The following DLG2 variants were observed in gnomAD, a reference collection of about 807,000 sequenced individuals.
DLG2 encodes the protein discs large MAGUK scaffold protein 2, also known as disks large homolog 2.
Under a neutral mutation model 132.5 loss-of-function variants are expected in DLG2, and 45 were observed. That is an observed-to-expected ratio of 0.34 (90% CI 0.27 to 0.44). DLG2 has a LOEUF of 0.44. Among genes scored for constraint, DLG2 ranks in the 20% least tolerant of loss-of-function variants. DLG2 has a pLI of 1.00. For synonymous variants in DLG2, 424 were observed against 419.6 expected, an observed-to-expected ratio of 1.01 and a Z score of -0.13; for missense variants, 1,045 against 1,196.9, an observed-to-expected ratio of 0.87 and a Z score of 1.87.
In DLG2 at chr11:84,104,488, G is replaced by A. The variant is rs538724848; in HGVS notation, c.625-5441C>T. Among the ~76,000 whole-genome samples, 17 of 152,144 alleles carry A rather than the reference G, an allele frequency of 1.1e-4. No homozygotes were observed. The South Asian group carries it at 3.3e-3, about 30-fold the overall frequency. The stretch of plus-strand genomic sequence containing the variant: ...ATCTGGTACTATGCTCACTTGTTAG[G>A]TGATAGGTTCAATTGTATTCCAAAC... On this transcript the variant is annotated intron_variant, in intron 9 of 27. Coordinates refer to ENST00000376104, the MANE Select transcript of DLG2 (RefSeq NM_001142699.3).
intron 6 of DLG2, among the ~76,000 whole-genome samples, chr11:84,818,679 CAGGCACACAAAAATT>C (rs1266545578): frequency 1.3e-5 from 2 of 151,856 alleles, no homozygotes; most frequent in Non-Finnish European, 2.9e-5. Context: ...ATAGAAAGCT[CAGGCACACAAAAATT>C]AGGTCTATCT....
At chr11:84,354,061 C>A (rs1163560024) in intron 7 of DLG2, among the ~76,000 whole-genome samples, 1 of 152,074 alleles carries the variant, frequency 6.6e-6, no homozygotes, top group Non-Finnish European at 1.5e-5. Flanking sequence ...TTCATTAGCA[C>A]CTAACACAAT....
In DLG2 at chr11:84,650,053, C is replaced by T. The variant is rs574409789; in HGVS notation, c.358-115322G>A. 2.2e-4 allele frequency among the ~76,000 whole-genome samples: 34 copies of T among 152,280 alleles called. No homozygotes were observed. In the South Asian group the frequency reaches 7.0e-3, roughly 32 times the overall value. On this transcript the variant is annotated intron_variant, in intron 6 of 27. Coordinates refer to ENST00000376104, the MANE Select transcript of DLG2 (RefSeq NM_001142699.3). ...ACCAAGAAAGAACCCTTTCAGCTTCCAGTTGATGTGTACTCTAGTAGCCTC... is the reference window on the plus strand; with the variant it reads ...ACCAAGAAAGAACCCTTTCAGCTTCTAGTTGATGTGTACTCTAGTAGCCTC...
intron 8 of DLG2, among the ~76,000 whole-genome samples, chr11:84,246,135 C>G (rs1371250603): frequency 6.6e-6 from 1 of 152,232 alleles, no homozygotes; most frequent in Non-Finnish European, 1.5e-5. Flanking sequence ...CCCACTCACC[C>G]ACTTATTCGT....
chr11:84,078,980 A>G (rs367677836), intron 10 of DLG2, among the ~76,000 whole-genome samples: 1 of 152,114 alleles, frequency 6.6e-6, no homozygotes, highest in Non-Finnish European at 1.5e-5. Flanking sequence ...TTCCTTTCCA[A>G]TTGTCATCCT....
At chr11:85,233,605 G>C (rs1350755481) in intron 4 of DLG2, among the ~76,000 whole-genome samples, 1 of 151,842 alleles carries the variant, frequency 6.6e-6, no homozygotes, top group Non-Finnish European at 1.5e-5. Flanking sequence ...AGAGATAAAG[G>C]GGACAGTGTT....
intron 7 of DLG2, among the ~76,000 whole-genome samples, chr11:84,376,343 G>A (rs894610223): frequency 1.3e-5 from 2 of 151,924 alleles, no homozygotes; most frequent in African/African-American, 4.8e-5. Flanking sequence ...AGGCAGGGAG[G>A]TGAAGGGATG....
chr11:83,972,064 T>C lies in DLG2; in HGVS notation c.1057-6596A>G, dbSNP rs568578405. Among the ~76,000 whole-genome samples the C allele has an allele frequency of 1.6e-4, 25 of 152,182 alleles. 1 individual carries two copies. In the South Asian group the frequency reaches 5.0e-3, roughly 30 times the overall value. ...TCATTATGAGACACACACAGCAGCA[T>C]CTCATGAGTAATGAAAATCGGAATG... is the stretch of plus-strand genomic sequence containing the variant. On this transcript the variant is annotated intron_variant, in intron 12 of 27. Coordinates refer to ENST00000376104, the MANE Select transcript of DLG2 (RefSeq NM_001142699.3).
intron 7 of DLG2, among the ~76,000 whole-genome samples, chr11:84,260,796 C>T (rs1221300161): frequency 6.6e-6 from 1 of 152,176 alleles, no homozygotes; most frequent in African/African-American, 2.4e-5. Flanking sequence ...TGACTCTAAG[C>T]CCTTTGCTTT....
chr11:85,246,684 TGTTA>T (rs375303548), intron 4 of DLG2, among the ~76,000 whole-genome samples: 3 of 152,152 alleles, frequency 2.0e-5, no homozygotes, highest in African/African-American at 7.2e-5. Context: ...TGAGAATAGT[TGTTA>T]GTATTTATTA....
At chr11:84,842,859 A>T (rs1025950195) in intron 6 of DLG2, among the ~76,000 whole-genome samples, 3 of 151,884 alleles carry the variant, frequency 2.0e-5, no homozygotes, top group African/African-American at 7.2e-5. Context: ...CTTTCTTGGT[A>T]TATTTTACCA....
chr11:83,845,643 C>T (rs1468709051), intron 16 of DLG2, among the ~76,000 whole-genome samples: 1 of 152,144 alleles, frequency 6.6e-6, no homozygotes, highest in East Asian at 1.9e-4. Context: ...AAAATAATAA[C>T]CACACTGATA....
At chr11:85,353,968 C>A (rs2083493171) in intron 3 of DLG2, among the ~76,000 whole-genome samples, 2 of 151,310 alleles carry the variant, frequency 1.3e-5, no homozygotes, top group African/African-American at 4.9e-5. Flanking sequence ...GCACATGTAC[C>A]CTAGAACTTA....
At chr11:85,412,725 TCACACACACACA>T (rs542505541) in intron 3 of DLG2, among the ~76,000 whole-genome samples, 59 of 92,276 alleles carry the variant, frequency 6.4e-4, no homozygotes, top group Middle Eastern at 6.0e-3. Flanking sequence ...GAGCAGTATT[TCACACACACACA>T]CACACACACA....
At chr11:85,518,828 G>A (rs187955659) in intron 3 of DLG2, among the ~76,000 whole-genome samples, 133 of 152,230 alleles carry the variant, frequency 8.7e-4, no homozygotes, top group African/African-American at 3.1e-3. Flanking sequence ...TTACAGTCTA[G>A]GGACTTTGTC....
chr11:85,121,844 G>A (rs1397691903), intron 5 of DLG2, among the ~76,000 whole-genome samples: 1 of 152,066 alleles, frequency 6.6e-6, no homozygotes, highest in African/African-American at 2.4e-5. Context: ...ATATACACAT[G>A]TACATATGTG....
intron 6 of DLG2, among the ~76,000 whole-genome samples, chr11:84,825,505 C>T (rs533186145): frequency 6.6e-6 from 1 of 151,898 alleles, no homozygotes; most frequent in Non-Finnish European, 1.5e-5. Flanking sequence ...CAATTAAGTT[C>T]AGGAATGCCG....
At chr11:84,658,682 T>G (rs2099691106) in intron 6 of DLG2, among the ~76,000 whole-genome samples, 1 of 152,100 alleles carries the variant, frequency 6.6e-6, no homozygotes, top group African/African-American at 2.4e-5. Flanking sequence ...CGGCACTTCC[T>G]CACCTCTCTC....
intron 21 of DLG2, among the ~76,000 whole-genome samples, chr11:83,521,759 G>A (rs139638801): frequency 1.0e-3 from 152 of 152,082 alleles, no homozygotes; most frequent in African/African-American, 3.5e-3. Context: ...TCCCCTACAT[G>A]CCATTGCCAT....
Sources: allele counts gnomAD v4.1 joint callset (sites outside exome capture counted in the v4.1 genomes callset), GRCh38; gene constraint gnomAD v4.1.1; transcripts MANE v1.5; gene names NCBI Gene and HGNC (gene_info 2026-07-23, HGNC 2026-07-21).